Variants in RSPO2 observed in about 807,000 individuals in gnomAD.
RSPO2 encodes R-spondin-2.
RSPO2 carries 14 observed loss-of-function variants against 30.9 expected under a neutral mutation model. That is an observed-to-expected ratio of 0.45 (90% confidence interval 0.30 to 0.71). The LOEUF is 0.71. Among genes scored for constraint, RSPO2 ranks in the 30% least tolerant of loss-of-function variants. The probability of loss-of-function intolerance (pLI) is 0.08; values close to 1 mark genes in which losing one functional copy is unlikely to be tolerated. For missense variants in RSPO2, 264 were observed against 301.9 expected (o/e 0.87, Z 0.93); for synonymous variants, 107 against 96.4 (o/e 1.11, Z -0.64).
At position 107,965,587 on chromosome 8, in the gene RSPO2, T is replaced by A. The variant is rs760421544; in HGVS notation, c.284-4770A>T. 4.2e-4 allele frequency among the ~76,000 whole-genome samples: 64 copies of A among 151,704 alleles called. 1 individual carries two copies. The highest frequency in any genetic ancestry group is 7.1e-4 in the Non-Finnish European group (48 of 67,970). ...TGTAACAGGAGATATTAGAGGCATG[T>A]CTTGGGTACATTAGAGACAGAAAAG... On this transcript the variant is annotated intron_variant, in intron 3 of 5. Transcript: ENST00000276659.
intron 2 of RSPO2, among the ~76,000 whole-genome samples, chr8:108,000,706 A>G (rs1815213178): frequency 6.6e-6 from 1 of 152,122 alleles, no homozygotes; most frequent in Non-Finnish European, 1.5e-5. Context: ...GGACTTAGAA[A>G]TTCTCCAGGG....
chr8:107,960,006 C>T (rs1310550099), intron 4 of RSPO2, among the ~76,000 whole-genome samples: 4 of 151,944 alleles, frequency 2.6e-5, no homozygotes, highest in Non-Finnish European at 5.9e-5. Flanking sequence ...ACAATACATC[C>T]ATGATTAGAT....
intron 2 of RSPO2, among the ~76,000 whole-genome samples, chr8:108,004,153 G>T (rs1457055804): frequency 6.6e-6 from 1 of 152,142 alleles, no homozygotes; most frequent in East Asian, 1.9e-4. Context: ...GAGTAAAACT[G>T]CTGATCCATC....
intron 5 of RSPO2, among the ~76,000 whole-genome samples, chr8:107,923,321 G>A (rs1459643220): frequency 6.6e-6 from 1 of 151,914 alleles, no homozygotes; most frequent in Non-Finnish European, 1.5e-5. Flanking sequence ...ATGAGAAAAA[G>A]CTCAACATCA....
intron 5 of RSPO2, among the ~76,000 whole-genome samples, chr8:107,916,199 G>A (rs1449099601): frequency 6.6e-6 from 1 of 152,098 alleles, no homozygotes; most frequent in Admixed American, 6.6e-5. Context: ...TCAAAATGTA[G>A]ACATTTGGTC....
chr8:107,985,879 T>C (rs1042217097), intron 3 of RSPO2, among the ~76,000 whole-genome samples: 25 of 152,188 alleles, frequency 1.6e-4, no homozygotes, highest in Admixed American at 1.6e-3. Context: ...ATAAGCTTCA[T>C]ACTGTCTGCA....
chr8:108,021,380 A>C (rs1811053069), intron 2 of RSPO2, among the ~76,000 whole-genome samples: 1 of 152,202 alleles, frequency 6.6e-6, no homozygotes, highest in South Asian at 2.1e-4. Context: ...TGACCTAAGT[A>C]GAATGAGCAG....
At chr8:107,931,023 C>A (rs1812537576) in intron 5 of RSPO2, among the ~76,000 whole-genome samples, 1 of 152,164 alleles carries the variant, frequency 6.6e-6, no homozygotes, top group South Asian at 2.1e-4. Flanking sequence ...CAGTGTTTTT[C>A]TACCCGGGCT....
chr8:107,919,422 A>C (rs1812082933), intron 5 of RSPO2, among the ~76,000 whole-genome samples: 1 of 152,166 alleles, frequency 6.6e-6, no homozygotes, highest in South Asian at 2.1e-4. Flanking sequence ...TTCACAAAAC[A>C]AACCTCCCTC....
chr8:108,065,964 G>A (rs1400926028), intron 2 of RSPO2, among the ~76,000 whole-genome samples: 1 of 152,184 alleles, frequency 6.6e-6, no homozygotes, highest in Admixed American at 6.5e-5. Context: ...CTTGAACCCA[G>A]GAGGCAGAGG....
At chr8:108,033,927 T>C (rs1232546476) in intron 2 of RSPO2, among the ~76,000 whole-genome samples, 1 of 152,194 alleles carries the variant, frequency 6.6e-6, no homozygotes, top group East Asian at 1.9e-4. Flanking sequence ...AGTCACTGTA[T>C]TCTTTGTGTG....
chr8:107,930,082 T>C (rs1265919110), intron 5 of RSPO2, among the ~76,000 whole-genome samples: 1 of 152,262 alleles, frequency 6.6e-6, no homozygotes, highest in East Asian at 1.9e-4. Flanking sequence ...ATCAACATCA[T>C]TGCTAATTAC....
At chr8:108,014,313 T>C (rs999946758) in intron 2 of RSPO2, among the ~76,000 whole-genome samples, 16 of 152,108 alleles carry the variant, frequency 1.1e-4, no homozygotes, top group Non-Finnish European at 1.0e-4. Flanking sequence ...GAACCAGAAA[T>C]ACCATTTGAC....
rs566556625 is a variant in RSPO2, at chr8:108,065,161, AAAGTAT to A, written c.94+17378_94+17383del. Among the ~76,000 whole-genome samples, 1,319 of 152,094 alleles carry A rather than the reference AAAGTAT, an allele frequency of 8.7e-3. 10 individuals are homozygous for A. Among genetic ancestry groups the A allele is most frequent in the Non-Finnish European group, 0.013 (874 of 67,990 alleles). ...ATTGTGCACATGTACCCTAGAATTT[AAAGTAT>A]AAGTTAAAAAAAAAAGAGTACTACA... On this transcript the variant is annotated intron_variant, in intron 2 of 5. Coordinates refer to ENST00000276659, the MANE Select transcript of RSPO2 (RefSeq NM_178565.5).
At position 107,989,101 on chromosome 8, in the gene RSPO2, A is replaced by C; in HGVS notation, c.238T>G (p.Ser80Ala). The C allele has an allele frequency of 6.2e-7, 1 of 1,609,902 alleles. No individual in the cohort carries two copies. The highest frequency in any genetic ancestry group is 8.5e-7 in the Non-Finnish European group (1 of 1,179,166). The change falls in exon 3 of 6, where the codon TCC (serine) becomes GCC (alanine). Residue 80 changes from serine (S) to alanine (A), a missense_variant. Transcript: ENST00000276659. ...GGGGCTCGGTGTCCATAGTACCCGG[A>C]TGGGCAGGAATGCAGGCACTCTCCA... Reference protein sequence around the residue: ...QYGECLHSCPSGYYGHRAPDM... With the variant: ...QYGECLHSCPAGYYGHRAPDM...
At chr8:107,902,723 T>TA in intron 5 of RSPO2, among the ~76,000 whole-genome samples, 1 of 152,246 alleles carries the variant, frequency 6.6e-6, no homozygotes, top group Non-Finnish European at 1.5e-5. Context: ...ACTTAGTCGA[T>TA]AGTCAATAAA....
intron 2 of RSPO2, among the ~76,000 whole-genome samples, chr8:107,993,364 A>C (rs1428556116): frequency 6.6e-6 from 1 of 152,210 alleles, no homozygotes; most frequent in Non-Finnish European, 1.5e-5. Context: ...CGGTATATTC[A>C]AACTATTTGA....
chr8:107,992,737 G>C (rs780355283), intron 2 of RSPO2, among the ~76,000 whole-genome samples: 8 of 152,062 alleles, frequency 5.3e-5, no homozygotes, highest in Non-Finnish European at 1.0e-4. Flanking sequence ...AGATTATCTA[G>C]ATAAGGATAA....
intron 2 of RSPO2, among the ~76,000 whole-genome samples, chr8:108,027,481 C>A (rs2130625859): frequency 6.6e-6 from 1 of 152,246 alleles, no homozygotes; most frequent in African/African-American, 2.4e-5. Context: ...TGAAAACAAT[C>A]CTTAAGTAAA....
Sources: allele counts gnomAD v4.1 joint callset (sites outside exome capture counted in the v4.1 genomes callset), GRCh38; gene constraint gnomAD v4.1.1; transcripts MANE v1.5; gene names NCBI Gene and HGNC (gene_info 2026-07-23, HGNC 2026-07-21).